The following ERCC6 variants were observed in gnomAD, a reference collection of about 807,000 sequenced individuals.
The protein encoded by ERCC6 is ERCC excision repair 6, chromatin remodeling factor, also known as DNA excision repair protein ERCC-6.
A neutral mutation model predicts 158.7 loss-of-function variants in ERCC6; 116 were observed. The observed-to-expected ratio is 0.73, with a 90% CI of 0.63 to 0.85. ERCC6 has a LOEUF of 0.85. Ranked by LOEUF, ERCC6 falls within the 40% of genes least tolerant of loss-of-function variation. The pLI is 0.00. For missense variants in ERCC6, 1,698 were observed against 1,799.4 expected, an observed-to-expected ratio of 0.94 and a Z score of 1.02; for synonymous variants, 678 against 659.3, an observed-to-expected ratio of 1.03 and a Z score of -0.43.
intron 1 of ERCC6, among the ~76,000 whole-genome samples, chr10:49,538,033 T>C (rs1224797609): frequency 1.3e-5 from 2 of 152,202 alleles, no homozygotes; most frequent in African/African-American, 2.4e-5. Flanking sequence ...CTTGTGAAAA[T>C]GCAAGAAGGC....
rs1297983028 is a variant in ERCC6, at chr10:49,474,098, C to A, written c.2527G>T (p.Val843Phe). Residue 843 changes from valine (V) to phenylalanine (F), a missense_variant, in exon 13 of 21, where the codon GTT becomes TTT. Physicochemically the swap from Val to Phe is conservative, Grantham distance 50. Transcript: ENST00000355832. ...GYWKRSGKMI[V>F]VESLLKIWHK... ...CATATTTTCAACAAAGACTCAACAA[C>A]AATCATTTTCCCAGAACGTTTCCAG... 1 of 1,614,134 alleles carries A rather than the reference C, an allele frequency of 6.2e-7. No individual in the cohort carries two copies. Among genetic ancestry groups the A allele is most frequent in the Non-Finnish European group, 8.5e-7 (1 of 1,180,020 alleles).
chr10:49,516,806 C>T, intron 5 of ERCC6: 1 of 1,614,124 alleles, frequency 6.2e-7, no homozygotes, highest in Non-Finnish European at 8.5e-7. Context: ...TTTTCCTCCT[C>T]CTTGATGGTG....
intron 3 of ERCC6, among the ~76,000 whole-genome samples, chr10:49,528,867 G>A (rs1837403821): frequency 6.6e-6 from 1 of 152,118 alleles, no homozygotes; most frequent in Non-Finnish European, 1.5e-5. Flanking sequence ...CTTACACACT[G>A]GGCAAATCCC....
chr10:49,458,749 T>C lies in ERCC6; in HGVS notation c.*66A>G, dbSNP rs1850523487. ...TTCCATTGACAAACATGATTATTAA[T>C]AATAAATTAATAATCAGAAATGCCC... On this transcript the variant is annotated 3_prime_UTR_variant, in exon 21 of 21. Coordinates refer to ENST00000355832, the MANE Select transcript of ERCC6 (RefSeq NM_000124.4). 7.3e-6 allele frequency: 11 copies of C among 1,496,946 alleles called. No individual in the cohort carries two copies. In the South Asian group the frequency reaches 1.1e-4, roughly 16 times the overall value. 92.7% of individuals were successfully genotyped at this position (1,496,946 alleles called of 1,614,324 possible). A position where few individuals can be genotyped will look rare whatever the true frequency, so the allele number is the denominator to read the frequency against.
At chr10:49,492,453 A>T (rs1230733533) in intron 8 of ERCC6, among the ~76,000 whole-genome samples, 1 of 152,240 alleles carries the variant, frequency 6.6e-6, no homozygotes, top group Middle Eastern at 3.2e-3. Flanking sequence ...AAAATGAATC[A>T]GACACAGTCC....
chr10:49,507,629 C>T (rs1715378005), intron 5 of ERCC6, among the ~76,000 whole-genome samples: 1 of 152,102 alleles, frequency 6.6e-6, no homozygotes, highest in Non-Finnish European at 1.5e-5. Context: ...CAATGGTGTA[C>T]AACAATCGTT....
At chr10:49,506,118 C>A in intron 5 of ERCC6, 106 bp from the exon 6 acceptor site, 1 of 1,335,572 alleles carries the variant, frequency 7.5e-7, no homozygotes, top group Admixed American at 1.7e-5. Context: ...TTAGAACGGT[C>A]TCTTAGGTTA....
In ERCC6 at chr10:49,532,805, G is replaced by C; in HGVS notation, c.160C>G (p.Leu54Val). ...GCGCACCCCACAGCAGAGGTGGACA[G>C]CCCGTCACCCACAGAACGAAAGGAG... Reference protein sequence around the residue: ...YLSFRSVGDGLSTSAVGCASA... With the variant: ...YLSFRSVGDGVSTSAVGCASA... Residue 54 changes from leucine (L) to valine (V), a missense_variant, in exon 2 of 21, where the codon CTG becomes GTG. Leu to Val is a conservative substitution (Grantham distance 32, BLOSUM62 1). Coordinates refer to ENST00000355832, the MANE Select transcript of ERCC6 (RefSeq NM_000124.4). 6.2e-7 allele frequency: 1 copy of C among 1,614,222 alleles called. No homozygotes were observed.
intron 18 of ERCC6, among the ~76,000 whole-genome samples, chr10:49,468,457 C>T (rs903444643): frequency 3.3e-5 from 5 of 152,216 alleles, no homozygotes; most frequent in African/African-American, 1.2e-4. Flanking sequence ...GATCACTGCC[C>T]TTTGGTGTCT....
In ERCC6 at chr10:49,509,250, G is replaced by T. The variant is rs144865089; in HGVS notation, c.1398-3238C>A. On this transcript the variant is annotated intron_variant, in intron 5 of 20. Coordinates refer to ENST00000355832, the MANE Select transcript of ERCC6 (RefSeq NM_000124.4). ...CTTAGCACAGAACCTAGATTAGGAA[G>T]TGCTTAATAAACTACTATAGTATTA... is the stretch of plus-strand genomic sequence containing the variant. Among the ~76,000 whole-genome samples, 681 of 152,320 alleles carry T rather than the reference G, an allele frequency of 4.5e-3. 3 individuals carry two copies. The highest frequency in any genetic ancestry group is 0.016 in the African/African-American group (657 of 41,560).
intron 4 of ERCC6, among the ~76,000 whole-genome samples, chr10:49,527,971 G>A (rs1377902719): frequency 6.6e-6 from 1 of 152,136 alleles, no homozygotes; most frequent in Non-Finnish European, 1.5e-5. Flanking sequence ...ATGAAATACT[G>A]CCCAGAGTAC....
Position 49,472,913 on chromosome 10 carries a change from G to A in ERCC6, c.2825C>T (p.Thr942Met), listed in dbSNP as rs2228525. The A allele has an allele frequency of 2.9e-3, 4,658 of 1,613,828 alleles. 88 individuals carry two copies. The African/African-American group carries it at 0.051, about 18-fold the overall frequency. ...AAAAAAAAAATAAAAACAAACCTGCGTGTCCGTGCTTGGGTTCCAGTCTGG... is the reference window on the plus strand; with the variant it reads ...AAAAAAAAAATAAAAACAAACCTGCATGTCCGTGCTTGGGTTCCAGTCTGG... ...YDPDWNPSTDTQARERAWRIG... is the reference protein window; with the variant it reads ...YDPDWNPSTDMQARERAWRIG... Residue 942 changes from threonine (T) to methionine (M), a missense_variant, in exon 15 of 21, where the codon ACG (threonine) becomes ATG (methionine). By Grantham distance (81) the Thr-to-Met change is moderately conservative. Transcript: ENST00000355832.
rs368720674 is a variant in ERCC6 at position 49,516,519 on chromosome 10, C to T, written c.1397+7514G>A. The T allele has an allele frequency of 4.5e-5, 72 of 1,614,014 alleles. No individual in the cohort carries two copies. The highest frequency in any genetic ancestry group is 5.8e-5 in the Non-Finnish European group (68 of 1,180,022). ...ATCTGTTCTTTGTTCCCAAAACATA[C>T]GCCTTCTAGGAACTGAGACATAACC... is the stretch of plus-strand genomic sequence containing the variant. On this transcript the variant is annotated intron_variant, in intron 5 of 20. Transcript: ENST00000355832.
intron 5 of ERCC6, among the ~76,000 whole-genome samples, chr10:49,510,799 G>A (rs902005617): frequency 6.6e-6 from 1 of 152,130 alleles, no homozygotes; most frequent in African/African-American, 2.4e-5. Context: ...GTCAAATGGG[G>A]TCATCCAGAA....
At chr10:49,520,247 T>C (rs1369888168) in intron 5 of ERCC6, among the ~76,000 whole-genome samples, 1 of 152,158 alleles carries the variant, frequency 6.6e-6, no homozygotes, top group Non-Finnish European at 1.5e-5. Context: ...ACGCTACACT[T>C]CCTAAGTCAG....
intron 5 of ERCC6, among the ~76,000 whole-genome samples, chr10:49,523,288 G>A (rs1045650254): frequency 6.6e-5 from 10 of 152,210 alleles, no homozygotes; most frequent in Middle Eastern, 3.2e-3. Context: ...CCATGGGGAG[G>A]CCTGCAATAC....
chr10:49,498,029 C>T (rs772175863), intron 7 of ERCC6, among the ~76,000 whole-genome samples: 29 of 152,074 alleles, frequency 1.9e-4, no homozygotes, highest in Middle Eastern at 3.4e-3. Flanking sequence ...ATTGAGGGGC[C>T]TATCATTATA....
rs533325137 is a variant in ERCC6 at position 49,524,656 on chromosome 10, T to C, written c.774A>G (p.Lys258=). The change falls in exon 5 of 21, where the codon AAA becomes AAG. Residue 258 remains lysine, a synonymous_variant. Coordinates refer to ENST00000355832, the MANE Select transcript of ERCC6 (RefSeq NM_000124.4). ...FGTQIPQKQE[K]KPRKIMLNEA... is the part of the protein sequence containing the mutation. ...CATTAAGCATGATTTTTCTGGGCTT[T>C]TTCTCCTGTTTCTGAGGGATCTGGG... 4 of 1,614,026 alleles carry C rather than the reference T, an allele frequency of 2.5e-6. No individual in the cohort carries two copies. In the South Asian group the frequency reaches 3.3e-5, roughly 13 times the overall value.
At chr10:49,452,608 G>A (rs1002181292), downstream of ERCC6, among the ~76,000 whole-genome samples, 20 of 152,074 alleles carry the variant, frequency 1.3e-4, no homozygotes, top group African/African-American at 1.7e-4. Flanking sequence ...GGTTTACAGC[G>A]TTGGTCAAGT....
Sources: allele counts gnomAD v4.1 joint callset (sites outside exome capture counted in the v4.1 genomes callset), GRCh38; gene constraint gnomAD v4.1.1; transcripts MANE v1.5; gene names NCBI Gene and HGNC (gene_info 2026-07-23, HGNC 2026-07-21).